The following RGS6 variants were observed in gnomAD, a reference collection of about 807,000 sequenced individuals.
RGS6 encodes the protein regulator of G protein signaling 6.
A neutral mutation model predicts 78.5 loss-of-function variants in RGS6; 30 were observed. The observed-to-expected ratio is 0.38, with a 90% CI of 0.29 to 0.52. RGS6 has a LOEUF of 0.52. Ranked by LOEUF, RGS6 falls within the 20% of genes least tolerant of loss-of-function variation. RGS6 has a pLI of 0.85. For missense variants in RGS6, 495 were observed against 609.7 expected (o/e 0.81, Z 1.98); for synonymous variants, 206 against 206.0 (o/e 1.00, Z 0.00).
chr14:72,541,676 G>A (rs2097329600), intron 17 of RGS6: 1 of 1,505,958 alleles, frequency 6.6e-7, no homozygotes, highest in Admixed American at 2.0e-5. Context: ...CTACTGTGCG[G>A]GTGGAGGATG....
chr14:72,181,642 A>G (rs1046668382), intron 2 of RGS6, among the ~76,000 whole-genome samples: 3 of 152,216 alleles, frequency 2.0e-5, no homozygotes, highest in East Asian at 1.9e-4. Flanking sequence ...AACCTCTTCA[A>G]CCATATTTGA....
intron 14 of RGS6, among the ~76,000 whole-genome samples, chr14:72,512,947 A>G (rs958898128): frequency 3.3e-5 from 5 of 152,178 alleles, no homozygotes; most frequent in South Asian, 2.1e-4. Context: ...GGCTCATGCC[A>G]TGGAGGCCCC....
chr14:72,103,967 T>A (rs546505102), intron 2 of RGS6, among the ~76,000 whole-genome samples: 2 of 152,366 alleles, frequency 1.3e-5, no homozygotes, highest in South Asian at 4.1e-4. Flanking sequence ...GTGAAGCTCT[T>A]AGAATGCCTA....
chr14:72,229,757 TCAAA>T (rs1205123987), intron 2 of RGS6, among the ~76,000 whole-genome samples: 2 of 152,360 alleles, frequency 1.3e-5, no homozygotes, highest in East Asian at 1.9e-4. Context: ...ATTCTGGGAC[TCAAA>T]CAATATGATC....
chr14:72,197,264 C>T (rs2040403861), intron 2 of RGS6, among the ~76,000 whole-genome samples: 1 of 152,180 alleles, frequency 6.6e-6, no homozygotes, highest in Admixed American at 6.6e-5. Flanking sequence ...TGGGGTTTTA[C>T]TGTGTTAGCC....
the RGS6 span, among the ~76,000 whole-genome samples, chr14:72,604,008 A>G: frequency 6.6e-6 from 1 of 152,166 alleles, no homozygotes; most frequent in African/African-American, 2.4e-5. Flanking sequence ...GTATAGTTTA[A>G]CAGGATCCAA....
intron 2 of RGS6, among the ~76,000 whole-genome samples, chr14:72,168,932 A>G (rs1326745944): frequency 6.6e-6 from 1 of 152,206 alleles, no homozygotes; most frequent in African/African-American, 2.4e-5. Context: ...AAATGACTCC[A>G]AATCTCTCTC....
chr14:72,107,813 T>C (rs2095665245), intron 2 of RGS6, among the ~76,000 whole-genome samples: 3 of 152,160 alleles, frequency 2.0e-5, no homozygotes. Flanking sequence ...TAGATTAGAA[T>C]ATGTCATAAT....
At chr14:72,104,479 A>C (rs1479549554) in intron 2 of RGS6, among the ~76,000 whole-genome samples, 1 of 152,228 alleles carries the variant, frequency 6.6e-6, no homozygotes, top group Non-Finnish European at 1.5e-5. Flanking sequence ...AAAGGAAATG[A>C]AACTTGAACA....
chr14:72,528,407 C>G (rs2097143576), intron 15 of RGS6, among the ~76,000 whole-genome samples: 1 of 152,158 alleles, frequency 6.6e-6, no homozygotes, highest in South Asian at 2.1e-4. Flanking sequence ...CTACAGCCAT[C>G]AACCACTCCA....
At chr14:72,382,446 G>A (rs1324263874) in intron 3 of RGS6, among the ~76,000 whole-genome samples, 2 of 152,188 alleles carry the variant, frequency 1.3e-5, no homozygotes, top group Non-Finnish European at 2.9e-5. Context: ...GACCATGCCA[G>A]GTATGCACAA....
intron 3 of RGS6, among the ~76,000 whole-genome samples, chr14:72,401,230 C>G (rs569902017): frequency 6.6e-6 from 1 of 152,024 alleles, no homozygotes; most frequent in Non-Finnish European, 1.5e-5. Flanking sequence ...GGAGTAGGGG[C>G]GGACAAATAT....
At chr14:71,904,848 T>C in the RGS6 span, among the ~76,000 whole-genome samples, 1 of 152,182 alleles carries the variant, frequency 6.6e-6, no homozygotes, top group East Asian at 1.9e-4. Flanking sequence ...ATATTTGGCT[T>C]TTACCCCTGG....
downstream of RGS6, among the ~76,000 whole-genome samples, chr14:72,569,413 C>T (rs1310180057): frequency 6.6e-6 from 1 of 152,158 alleles, no homozygotes; most frequent in Non-Finnish European, 1.5e-5. Context: ...GGCACAGTGG[C>T]TCACACCTGT....
chr14:72,357,913 A>G (rs2529461), intron 3 of RGS6, among the ~76,000 whole-genome samples: 89,432 of 151,950 alleles, frequency 0.59, 28,392 homozygotes, highest in African/African-American at 0.84. Flanking sequence ...AGGCCCAGAG[A>G]CCTAAGAGGA....
intron 4 of RGS6, among the ~76,000 whole-genome samples, chr14:72,456,939 A>T (rs1002611882): frequency 6.6e-6 from 1 of 151,542 alleles, no homozygotes; most frequent in Non-Finnish European, 1.5e-5. Flanking sequence ...AAAAAATTAG[A>T]CAGACGTGGT....
chr14:72,403,996 C>G (rs1261259655), intron 3 of RGS6, among the ~76,000 whole-genome samples: 6 of 152,114 alleles, frequency 3.9e-5, no homozygotes, highest in African/African-American at 1.4e-4. Flanking sequence ...TTTGATGGAG[C>G]CTTTCAAAGT....
intron 3 of RGS6, among the ~76,000 whole-genome samples, chr14:72,400,262 A>G (rs2092214960): frequency 6.6e-6 from 1 of 152,220 alleles, no homozygotes; most frequent in African/African-American, 2.4e-5. Flanking sequence ...AATTTTCAAC[A>G]TACTGATTTT....
At chr14:72,175,755 A>C (rs1598872139) in intron 2 of RGS6, among the ~76,000 whole-genome samples, 1 of 152,226 alleles carries the variant, frequency 6.6e-6, no homozygotes, top group African/African-American at 2.4e-5. Context: ...CACAGTGCCC[A>C]GCGGCTGGTA....
Sources: gnomAD v4.1 joint callset for allele counts (sites outside exome capture counted in the v4.1 genomes callset) on GRCh38, gnomAD v4.1.1 for gene constraint, MANE v1.5 for transcripts, NCBI Gene and HGNC (gene_info 2026-07-23, HGNC 2026-07-21) for gene names.